The following PYGB variants were observed in gnomAD, a reference collection of about 807,000 sequenced individuals.
The protein encoded by PYGB is glycogen phosphorylase, brain form.
Under a neutral mutation model 94.3 loss-of-function variants are expected in PYGB, and 82 were observed. That is an observed-to-expected ratio of 0.87 (90% CI 0.73 to 1.04). PYGB has a LOEUF of 1.04. PYGB is among the 50% of genes least tolerant of loss of function. The probability of loss-of-function intolerance (pLI) is 0.00; values close to 1 mark genes in which losing one functional copy is unlikely to be tolerated. For missense variants in PYGB, 1,132 were observed against 1,158.2 expected, an observed-to-expected ratio of 0.98 and a Z score of 0.33; for synonymous variants, 488 against 479.1, an observed-to-expected ratio of 1.02 and a Z score of -0.24.
intron 3 of PYGB, among the ~76,000 whole-genome samples, chr20:25,270,186 AG>A (rs2123546489): frequency 7.3e-6 from 1 of 136,248 alleles, no homozygotes; most frequent in African/African-American, 3.0e-5. Flanking sequence ...TTAATCCTGA[AG>A]TTTTTTTTGT....
At chr20:25,282,385 G>A (rs1445936384) in intron 12 of PYGB, among the ~76,000 whole-genome samples, 2 of 152,272 alleles carry the variant, frequency 1.3e-5, no homozygotes, top group Non-Finnish European at 2.9e-5. Context: ...AGGGAGGGCT[G>A]GGGTGTGGCT....
chr20:25,295,870 A>C (rs901575487), intron 19 of PYGB, among the ~76,000 whole-genome samples, 200 bp downstream of exon 19: 1 of 152,214 alleles, frequency 6.6e-6, no homozygotes, highest in Non-Finnish European at 1.5e-5. Flanking sequence ...GTTGAAAAAA[A>C]CAGCTCCTAA....
At position 25,248,097 on chromosome 20, in the gene PYGB, C is replaced by T. The variant is rs2092875497; in HGVS notation, c.-82C>T. The T allele has an allele frequency of 2.1e-6, 3 of 1,403,310 alleles. No homozygotes were observed. Among genetic ancestry groups the T allele is most frequent in the Admixed American group, 5.4e-5 (2 of 37,186 alleles). The allele number at this position is 1,403,310 out of a possible 1,614,324, so 86.9% of individuals were successfully genotyped here. On this transcript the variant is annotated 5_prime_UTR_variant, in exon 1 of 20. Transcript: ENST00000216962. ...AGTGCCGGGCGCCAGAGCAGCGGCG[C>T]CAGAGCAGCTGCACCATCCCGGCGT... is the stretch of plus-strand genomic sequence containing the variant.
chr20:25,287,899 T>G (rs2088431434), intron 14 of PYGB, among the ~76,000 whole-genome samples: 1 of 152,084 alleles, frequency 6.6e-6, no homozygotes, highest in African/African-American at 2.4e-5. Flanking sequence ...GAGGATTGCT[T>G]GAACCTGGAA....
chr20:25,281,121 G>A lies in PYGB; in HGVS notation c.1403+9G>A, dbSNP rs1401437212. ...ATCGTGAAACAGTCGGTGTGAGTGG[G>A]GCGCTTGCCCGAGCGGGGCCAGCTC... On this transcript the variant is annotated intron_variant, in intron 11 of 19. Coordinates refer to ENST00000216962, the MANE Select transcript of PYGB (RefSeq NM_002862.4). 3.7e-6 allele frequency: 6 copies of A among 1,613,832 alleles called. No individual in the cohort carries two copies. Among genetic ancestry groups the A allele is most frequent in the Non-Finnish European group, 4.2e-6 (5 of 1,179,882 alleles).
intron 2 of PYGB, among the ~76,000 whole-genome samples, chr20:25,262,531 T>C (rs1352642571): frequency 6.6e-6 from 1 of 152,138 alleles, no homozygotes; most frequent in Non-Finnish European, 1.5e-5. Flanking sequence ...ACATGCCAAA[T>C]TGTAAAGACC....
At chr20:25,289,871 C>T in intron 15 of PYGB, 2 of 533,520 alleles carry the variant, frequency 3.7e-6, no homozygotes, top group Non-Finnish European at 7.7e-6. Context: ...CACAGTACCA[C>T]CATCCGTCAC....
chr20:25,277,415 C>A, intron 7 of PYGB, 89 bp downstream of exon 7: 1 of 1,302,824 alleles, frequency 7.7e-7, no homozygotes, highest in Non-Finnish European at 1.1e-6. Flanking sequence ...CCCAGTGGGG[C>A]CTGCTGTTGG....
At position 25,283,875 on chromosome 20, in the gene PYGB, G is replaced by A. The variant is rs113842831; in HGVS notation, c.1621-229G>A. On this transcript the variant is annotated intron_variant, in intron 13 of 19. Transcript: ENST00000216962. The stretch of plus-strand genomic sequence containing the variant: ...TTGGCTCCAGGCGTGCTCCTGGGCC[G>A]GCTCCTCACTTATCCCCTACTCTTG... 1.3e-3 allele frequency among the ~76,000 whole-genome samples: 198 copies of A among 152,168 alleles called. 1 individual carries two copies. The highest frequency in any genetic ancestry group is 4.4e-3 in the African/African-American group (184 of 41,538).
chr20:25,250,381 C>T (rs1038618234), intron 1 of PYGB, among the ~76,000 whole-genome samples: 3 of 152,146 alleles, frequency 2.0e-5, no homozygotes, highest in Admixed American at 2.0e-4. Flanking sequence ...TTTGATCCTC[C>T]GTGAGATCTC....
intron 3 of PYGB, among the ~76,000 whole-genome samples, chr20:25,270,390 G>T (rs1434441950): frequency 6.6e-6 from 1 of 151,890 alleles, no homozygotes; most frequent in Non-Finnish European, 1.5e-5. Flanking sequence ...TTTTAGTAGA[G>T]ACGGGGTTTC....
At chr20:25,273,064 G>A (rs1396310598) in intron 4 of PYGB, among the ~76,000 whole-genome samples, 1 of 152,246 alleles carries the variant, frequency 6.6e-6, no homozygotes, top group Middle Eastern at 3.2e-3. Flanking sequence ...TTCAGATTCA[G>A]TGGGTTTTTA....
In PYGB at chr20:25,274,697, G is replaced by A. The variant is rs763380139; in HGVS notation, c.634G>A (p.Asp212Asn). The change falls in exon 5 of 20, where the codon GAC becomes AAC. Residue 212 changes from aspartate to asparagine, a missense_variant. Asp to Asn is a conservative substitution (Grantham distance 23). Coordinates refer to ENST00000216962, the MANE Select transcript of PYGB (RefSeq NM_002862.4). ...CTACGGACGCGTGGAGCACACCCCC[G>A]ACGGCGTGAAGTGGCTGGACACACA... Reference protein sequence around the residue: ...HFYGRVEHTPDGVKWLDTQVV... With the variant: ...HFYGRVEHTPNGVKWLDTQVV... 4.3e-6 allele frequency: 7 copies of A among 1,613,336 alleles called. No individual in the cohort carries two copies. Among genetic ancestry groups the A allele is most frequent in the East Asian group, 2.2e-5 (1 of 44,896 alleles).
At position 25,296,825 on chromosome 20, in the gene PYGB, C is replaced by T. The variant is rs376520305; in HGVS notation, c.*303C>T. Reference sequence around the variant, plus strand: ...GAGTCAGGTGGAGCCACCTGCTGGGCTCCCCCAGAACTTTGCACACATCTT... The same window carrying T: ...GAGTCAGGTGGAGCCACCTGCTGGGTTCCCCCAGAACTTTGCACACATCTT... On this transcript the variant is annotated 3_prime_UTR_variant, in exon 20 of 20. Transcript: ENST00000216962. 1.5e-5 allele frequency: 6 copies of T among 395,928 alleles called. No homozygotes were observed. Among genetic ancestry groups the T allele is most frequent in the African/African-American group, 1.0e-4 (5 of 48,576 alleles). The allele number at this position is 395,928 out of a possible 1,614,324, so 24.5% of individuals were successfully genotyped here.
At chr20:25,253,130 G>C (rs2092892974) in intron 1 of PYGB, among the ~76,000 whole-genome samples, 1 of 152,230 alleles carries the variant, frequency 6.6e-6, no homozygotes, top group Non-Finnish European at 1.5e-5. Flanking sequence ...CAGTTTCACA[G>C]CCTCCCATGG....
In PYGB at chr20:25,294,707, A is replaced by T. The variant is rs1165036426; in HGVS notation, c.2312+415A>T. The T allele has an allele frequency of 9.9e-6, 6 of 607,690 alleles. No homozygotes were observed. The Admixed American group carries it at 1.2e-4, about 12-fold the overall frequency. The allele number at this position is 607,690 out of a possible 1,614,324, so 37.6% of individuals were successfully genotyped here. ...CGCGGCAGGCGTCAGTGCCAGTGAC[A>T]GGCAGTGGTGAAAATGGATTTCACT... On this transcript the variant is annotated intron_variant, in intron 18 of 19. Transcript: ENST00000216962.
intron 2 of PYGB, among the ~76,000 whole-genome samples, chr20:25,265,036 G>C (rs531007817): frequency 6.6e-6 from 1 of 152,146 alleles, no homozygotes; most frequent in Non-Finnish European, 1.5e-5. Context: ...ATACTACAAG[G>C]CTACAGTAAC....
chr20:25,284,410 T>C (rs1429330337), intron 14 of PYGB, among the ~76,000 whole-genome samples, 159 bp downstream of exon 14: 2 of 152,192 alleles, frequency 1.3e-5, no homozygotes, highest in African/African-American at 2.4e-5. Context: ...GCAAAAGCCA[T>C]GTTTTTCTGT....
intron 1 of PYGB, among the ~76,000 whole-genome samples, chr20:25,256,553 C>T (rs939761939): frequency 4.0e-5 from 6 of 151,874 alleles, no homozygotes; most frequent in African/African-American, 1.5e-4. Flanking sequence ...CTACTTAACA[C>T]TTGTTATGTC....
Sources: gnomAD v4.1 joint callset for allele counts (sites outside exome capture counted in the v4.1 genomes callset) on GRCh38, gnomAD v4.1.1 for gene constraint, MANE v1.5 for transcripts, NCBI Gene and HGNC (gene_info 2026-07-23, HGNC 2026-07-21) for gene names.